BRIP1: variants seen among roughly 807,000 people sequenced by gnomAD.
BRIP1 encodes the protein BRCA1 interacting DNA helicase 1.
Under a neutral mutation model 119.7 loss-of-function variants are expected in BRIP1, and 88 were observed. The ratio of observed to expected loss-of-function variants is 0.74; its 90% CI spans 0.62 to 0.88. The LOEUF is 0.88. Among genes scored for constraint, BRIP1 ranks in the 40% least tolerant of loss-of-function variants. The probability of loss-of-function intolerance (pLI) is 0.00; values close to 1 mark genes in which losing one functional copy is unlikely to be tolerated. For synonymous variants in BRIP1, 443 were observed against 496.5 expected (o/e 0.89, Z 1.43); for missense variants, 1,259 against 1,455.4 (o/e 0.87, Z 2.20).
In BRIP1 at chr17:61,699,553, G is replaced by C. The variant is rs774717223; in HGVS notation, c.2493-6041C>G. Reference sequence around the variant, plus strand: ...AATAGTACAAAAAAATGGTCCTTCTGTTCCCTCATCTGTCACCTTTGGGTT... The same window carrying C: ...AATAGTACAAAAAAATGGTCCTTCTCTTCCCTCATCTGTCACCTTTGGGTT... On this transcript the variant is annotated intron_variant, in intron 17 of 19. Transcript: ENST00000259008. This position sits in a 1 kb window ranked among gnomAD's most constrained non-coding sequence, Gnocchi z 4.8. Among the ~76,000 whole-genome samples the C allele has an allele frequency of 1.3e-5, 2 of 152,124 alleles. No individual in the cohort carries two copies. Among genetic ancestry groups the C allele is most frequent in the African/African-American group, 2.4e-5 (1 of 41,422 alleles).
intron 17 of BRIP1, among the ~76,000 whole-genome samples, chr17:61,711,033 C>CAAA (rs11308154): frequency 1.8e-5 from 2 of 110,632 alleles, no homozygotes; most frequent in Non-Finnish European, 1.8e-5. Context: ...GACTCCATCT[C>CAAA]AAAAAAAAAA....
chr17:61,809,214 A>G lies in BRIP1; in HGVS notation c.628-457T>C, dbSNP rs940269701. Among the ~76,000 whole-genome samples the G allele has an allele frequency of 6.6e-6, 1 of 152,188 alleles. No individual in the cohort carries two copies. The highest frequency in any genetic ancestry group is 2.4e-5 in the African/African-American group (1 of 41,466). ...CAATGCTTTTGAAGCACTTTTAAAT[A>G]TAGTTTACAAAAGAATAGAATTATC... On this transcript the variant is annotated intron_variant, in intron 6 of 19. Transcript: ENST00000259008. The surrounding 1 kb of genome is among the most constrained non-coding windows in gnomAD (Gnocchi z 5.2).
rs1396845611 is a variant in BRIP1, at chr17:61,679,870, A to G, written c.*3426T>C. 1.3e-5 allele frequency among the ~76,000 whole-genome samples: 2 copies of G among 152,176 alleles called. No individual in the cohort carries two copies. Among genetic ancestry groups the G allele is most frequent in the Non-Finnish European group, 2.9e-5 (2 of 68,034 alleles). ...TAAAGGCCAGTAGTTTACTTCTTGG[A>G]ATATCATCTTGGTCAGTCATGATCT... is the stretch of plus-strand genomic sequence containing the variant. On this transcript the variant is annotated 3_prime_UTR_variant, in exon 20 of 20. Coordinates refer to ENST00000259008, the MANE Select transcript of BRIP1 (RefSeq NM_032043.3). This position sits in a 1 kb window ranked among gnomAD's most constrained non-coding sequence, Gnocchi z 4.4.
rs565428304 is a variant in BRIP1 at position 61,679,665 on chromosome 17, T to G, written c.*3631A>C. ...CCTATATATCTATAGTTAGGGAAGC[T>G]TTCATATAGAGCAAGGGTGCACTCC... On this transcript the variant is annotated 3_prime_UTR_variant, in exon 20 of 20. Transcript: ENST00000259008. The surrounding 1 kb of genome is among the most constrained non-coding windows in gnomAD (Gnocchi z 4.4). Among the ~76,000 whole-genome samples, 1 of 152,340 alleles carries G rather than the reference T, an allele frequency of 6.6e-6. No individual in the cohort carries two copies. Among genetic ancestry groups the G allele is most frequent in the South Asian group, 2.1e-4 (1 of 4,824 alleles).
rs1188391624 is a variant in BRIP1, at chr17:61,700,265, A to T, written c.2493-6753T>A. Among the ~76,000 whole-genome samples, 1 of 152,188 alleles carries T rather than the reference A, an allele frequency of 6.6e-6. No homozygotes were observed. The highest frequency in any genetic ancestry group is 2.4e-5 in the African/African-American group (1 of 41,452). On this transcript the variant is annotated intron_variant, in intron 17 of 19. Transcript: ENST00000259008. This position sits in a 1 kb window ranked among gnomAD's most constrained non-coding sequence, Gnocchi z 4.1. ...TACCTTTATATTAACTTTTACATTT[A>T]CGTATGTCGTTAACTTTGTGGGTAT...
intron 9 of BRIP1, among the ~76,000 whole-genome samples, chr17:61,797,405 T>C (rs1181876577): frequency 6.6e-6 from 1 of 152,000 alleles, no homozygotes; most frequent in Non-Finnish European, 1.5e-5. Context: ...CCAACACCAC[T>C]GACTGGCTGA....
Position 61,808,814 on chromosome 17 carries a change from C to T in BRIP1, c.628-57G>A. 2 of 1,524,732 alleles carry T rather than the reference C, an allele frequency of 1.3e-6. No individual in the cohort carries two copies. Among genetic ancestry groups the T allele is most frequent in the Non-Finnish European group, 1.8e-6 (2 of 1,111,956 alleles). 94.5% of individuals were successfully genotyped at this position (1,524,732 alleles called of 1,614,324 possible). A position where few individuals can be genotyped will look rare whatever the true frequency, so the allele number is the denominator to read the frequency against. On this transcript the variant is annotated intron_variant, in intron 6 of 19. Coordinates refer to ENST00000259008, the MANE Select transcript of BRIP1 (RefSeq NM_032043.3). This position sits in a 1 kb window ranked among gnomAD's most constrained non-coding sequence, Gnocchi z 4.1. ...TCTAAACTACCATAAAAAACGTTATCAAACCTCACATGGAATCAGAACCTG... is the reference window on the plus strand; with the variant it reads ...TCTAAACTACCATAAAAAACGTTATTAAACCTCACATGGAATCAGAACCTG...
rs575835205 is a variant in BRIP1, at chr17:61,813,407, A to G, written c.628-4650T>C. Among the ~76,000 whole-genome samples the G allele has an allele frequency of 2.0e-5, 3 of 152,194 alleles. No individual in the cohort carries two copies. In the East Asian group the frequency reaches 5.8e-4, roughly 29 times the overall value. The stretch of plus-strand genomic sequence containing the variant: ...ATTCATCGAGAGTGGTGTTTTGCAC[A>G]TAACTGTAACTTAGCTTTTTTTAAA... On this transcript the variant is annotated intron_variant, in intron 6 of 19. Coordinates refer to ENST00000259008, the MANE Select transcript of BRIP1 (RefSeq NM_032043.3).
rs1225814500 is a variant in BRIP1, at chr17:61,762,368, G to T, written c.2097+14033C>A. Among the ~76,000 whole-genome samples, 1 of 152,032 alleles carries T rather than the reference G, an allele frequency of 6.6e-6. No individual in the cohort carries two copies. The highest frequency in any genetic ancestry group is 1.9e-4 in the East Asian group (1 of 5,190). ...TGATTTTTTGGATTTGATCCCAAAA[G>T]CACAGGCAACAAAAGCAAAAATAGG... On this transcript the variant is annotated intron_variant, in intron 14 of 19. Transcript: ENST00000259008. The surrounding 1 kb of genome is among the most constrained non-coding windows in gnomAD (Gnocchi z 4.3).
intron 11 of BRIP1, among the ~76,000 whole-genome samples, chr17:61,782,192 T>C (rs1376496466): frequency 6.6e-6 from 1 of 151,946 alleles, no homozygotes; most frequent in Admixed American, 6.6e-5. Context: ...GAGACCATTC[T>C]GGCTAACACG....
chr17:61,805,256 T>C lies in BRIP1; in HGVS notation c.918+3211A>G, dbSNP rs1260211187. ...AGCAAATCAAAGGACAAGACATGAATAGCTGAGGACCAGTTCTCCTAAAGC... is the reference window on the plus strand; with the variant it reads ...AGCAAATCAAAGGACAAGACATGAACAGCTGAGGACCAGTTCTCCTAAAGC... On this transcript the variant is annotated intron_variant, in intron 7 of 19. Coordinates refer to ENST00000259008, the MANE Select transcript of BRIP1 (RefSeq NM_032043.3). The surrounding 1 kb of genome is among the most constrained non-coding windows in gnomAD (Gnocchi z 5.6). Among the ~76,000 whole-genome samples, 1 of 152,122 alleles carries C rather than the reference T, an allele frequency of 6.6e-6. No individual in the cohort carries two copies. The highest frequency in any genetic ancestry group is 2.4e-5 in the African/African-American group (1 of 41,438).
Position 61,845,026 on chromosome 17 carries a change from C to T in BRIP1, c.627+2075G>A, listed in dbSNP as rs536138708. ...CACATGAAAAAGACTGACATTACAT[C>T]GTAATAGGACAGACAAATAATAAAC... is the stretch of plus-strand genomic sequence containing the variant. On this transcript the variant is annotated intron_variant, in intron 6 of 19. Transcript: ENST00000259008. The surrounding 1 kb of genome is among the most constrained non-coding windows in gnomAD (Gnocchi z 4.2). 6.6e-6 allele frequency among the ~76,000 whole-genome samples: 1 copy of T among 152,204 alleles called. No individual in the cohort carries two copies. The highest frequency in any genetic ancestry group is 2.4e-5 in the African/African-American group (1 of 41,526).
rs1167588266 is a variant in BRIP1 at position 61,795,164 on chromosome 17, G to C, written c.1341-1435C>G. Among the ~76,000 whole-genome samples, 1 of 152,096 alleles carries C rather than the reference G, an allele frequency of 6.6e-6. No individual in the cohort carries two copies. Among genetic ancestry groups the C allele is most frequent in the East Asian group, 1.9e-4 (1 of 5,184 alleles). On this transcript the variant is annotated intron_variant, in intron 9 of 19. Transcript: ENST00000259008. This position sits in a 1 kb window ranked among gnomAD's most constrained non-coding sequence, Gnocchi z 5.6. Reference sequence around the variant, plus strand: ...TTATGGGGTACATGTTTTGATACAGGCATGCAATATGTAATAATCACATCA... The same window carrying C: ...TTATGGGGTACATGTTTTGATACAGCCATGCAATATGTAATAATCACATCA...
At chr17:61,791,251 G>T (rs1448634962) in intron 10 of BRIP1, among the ~76,000 whole-genome samples, 6 of 151,906 alleles carry the variant, frequency 3.9e-5, no homozygotes, top group Admixed American at 3.9e-4. Context: ...CACTTTGGGA[G>T]GCCAAGGCAG....
rs2077782451 is a variant in BRIP1 at position 61,789,438 on chromosome 17, T to C, written c.1473+4159A>G. Among the ~76,000 whole-genome samples the C allele has an allele frequency of 6.6e-6, 1 of 152,098 alleles. No homozygotes were observed. The highest frequency in any genetic ancestry group is 1.5e-5 in the Non-Finnish European group (1 of 67,996). On this transcript the variant is annotated intron_variant, in intron 10 of 19. Coordinates refer to ENST00000259008, the MANE Select transcript of BRIP1 (RefSeq NM_032043.3). The surrounding 1 kb of genome is among the most constrained non-coding windows in gnomAD (Gnocchi z 4.8). ...AAAATTGATTCATAAATTCACAACA[T>C]AAACAAAATGAATCCAAGGCTTTGT...
At chr17:61,750,457 T>C (rs1291246312) in intron 14 of BRIP1, among the ~76,000 whole-genome samples, 1 of 152,148 alleles carries the variant, frequency 6.6e-6, no homozygotes, top group East Asian at 1.9e-4. Flanking sequence ...GATTTGGCAA[T>C]GATTTGTTGG....
rs894176970 is a variant in BRIP1, at chr17:61,693,229, A to G, written c.2575+201T>C. 6.6e-6 allele frequency among the ~76,000 whole-genome samples: 1 copy of G among 152,176 alleles called. No individual in the cohort carries two copies. The highest frequency in any genetic ancestry group is 1.5e-5 in the Non-Finnish European group (1 of 68,016). On this transcript the variant is annotated intron_variant, in intron 18 of 19. Coordinates refer to ENST00000259008, the MANE Select transcript of BRIP1 (RefSeq NM_032043.3). The surrounding 1 kb of genome is among the most constrained non-coding windows in gnomAD (Gnocchi z 4.2). ...GACAGGGGGGAGAGGGACATGGGGC[A>G]TTGCTGTTCAGTTGGTGTTAAGTTT...
Position 61,852,284 on chromosome 17 carries a change from G to A in BRIP1, c.380-3028C>T, listed in dbSNP as rs988105321. Among the ~76,000 whole-genome samples the A allele has an allele frequency of 3.9e-5, 6 of 152,124 alleles. No individual in the cohort carries two copies. The highest frequency in any genetic ancestry group is 1.2e-4 in the African/African-American group (5 of 41,420). On this transcript the variant is annotated intron_variant, in intron 4 of 19. Transcript: ENST00000259008. This position sits in a 1 kb window ranked among gnomAD's most constrained non-coding sequence, Gnocchi z 4.9. The stretch of plus-strand genomic sequence containing the variant: ...AGTTTGAAGGAAGTTCATCAAAGGG[G>A]TAAAATCTTTAAGATACAAAGTTAA...
rs1039370501 is a variant in BRIP1 at position 61,720,662 on chromosome 17, G to C, written c.2380-4599C>G. ...TCATCCCTTTGTCCAGTATATCCAT[G>C]CTGTACATACTACCCACCAGCAGTT... is the stretch of plus-strand genomic sequence containing the variant. On this transcript the variant is annotated intron_variant, in intron 16 of 19. Transcript: ENST00000259008. The surrounding 1 kb of genome is among the most constrained non-coding windows in gnomAD (Gnocchi z 4.3). Among the ~76,000 whole-genome samples, 1 of 152,106 alleles carries C rather than the reference G, an allele frequency of 6.6e-6. No homozygotes were observed. The highest frequency in any genetic ancestry group is 2.4e-5 in the African/African-American group (1 of 41,410).
Sources: gnomAD v4.1 joint callset for allele counts (sites outside exome capture counted in the v4.1 genomes callset) on GRCh38, gnomAD v4.1.1 for gene constraint, Gnocchi (gnomAD v3.1) non-coding constraint, MANE v1.5 for transcripts, NCBI Gene and HGNC (gene_info 2026-07-23, HGNC 2026-07-21) for gene names.